Variants in TLL1 observed in about 807,000 individuals in gnomAD.
TLL1 encodes the protein tolloid-like protein 1.
TLL1 carries 49 observed loss-of-function variants against 128.2 expected under a neutral mutation model. The ratio of observed to expected loss-of-function variants is 0.38; its 90% CI spans 0.30 to 0.48. The LOEUF is 0.48. Among genes scored for constraint, TLL1 ranks in the 20% least tolerant of loss-of-function variants. The probability of loss-of-function intolerance (pLI) is 0.96; values close to 1 mark genes in which losing one functional copy is unlikely to be tolerated. For missense variants in TLL1, 1,123 were observed against 1,242.0 expected (o/e 0.90, Z 1.44); for synonymous variants, 454 against 418.8 (o/e 1.08, Z -1.03).
intron 5 of TLL1, among the ~76,000 whole-genome samples, chr4:165,997,264 A>C (rs1312908384): frequency 6.6e-6 from 1 of 152,184 alleles, no homozygotes; most frequent in African/African-American, 2.4e-5. Context: ...AGAATAAGAT[A>C]CTTGTCAAGT....
At chr4:165,996,599 AAAAT>A (rs140993281) in intron 5 of TLL1, among the ~76,000 whole-genome samples, 81,055 of 139,892 alleles carry the variant, frequency 0.58, 23,284 homozygotes, top group Admixed American at 0.68. Context: ...ACTCCATCTC[AAAAT>A]AAATAAATAA....
chr4:166,043,822 T>A (rs1274648029), intron 12 of TLL1, among the ~76,000 whole-genome samples: 2 of 152,092 alleles, frequency 1.3e-5, no homozygotes, highest in East Asian at 1.9e-4. Context: ...ACCTTTTTTT[T>A]TTTTACCATA....
intron 1 of TLL1, among the ~76,000 whole-genome samples, chr4:165,931,489 C>A (rs538255090): frequency 1.3e-5 from 2 of 151,826 alleles, no homozygotes; most frequent in South Asian, 2.1e-4. Context: ...GAGGCCAAGG[C>A]GGGCGGATCA....
intron 12 of TLL1, among the ~76,000 whole-genome samples, chr4:166,049,230 G>A (rs1459597872): frequency 6.6e-6 from 1 of 152,156 alleles, no homozygotes; most frequent in Non-Finnish European, 1.5e-5. Context: ...GCCCAAGGTT[G>A]CACAACTGGT....
chr4:166,100,086 A>C (rs1742222323), intron 20 of TLL1, among the ~76,000 whole-genome samples: 1 of 152,136 alleles, frequency 6.6e-6, no homozygotes, highest in Non-Finnish European at 1.5e-5. Flanking sequence ...AGAAATAAGG[A>C]AAAGAAAAAC....
chr4:165,886,332 C>G (rs1731162317), intron 1 of TLL1, among the ~76,000 whole-genome samples: 1 of 152,088 alleles, frequency 6.6e-6, no homozygotes. Context: ...GTAATGATTA[C>G]ATGTGTAAGG....
At chr4:165,899,527 C>T (rs558984027) in intron 1 of TLL1, among the ~76,000 whole-genome samples, 12 of 152,196 alleles carry the variant, frequency 7.9e-5, no homozygotes, top group Middle Eastern at 3.4e-3. Flanking sequence ...TGTATTTGTG[C>T]GGTTTTGAGT....
At chr4:165,907,982 CTT>C (rs1175822615) in intron 1 of TLL1, among the ~76,000 whole-genome samples, 2 of 152,202 alleles carry the variant, frequency 1.3e-5, no homozygotes, top group Admixed American at 6.5e-5. Context: ...AAGAGATACT[CTT>C]TACCAGTTCA....
chr4:165,911,748 T>C (rs1732542122), intron 1 of TLL1, among the ~76,000 whole-genome samples: 1 of 152,196 alleles, frequency 6.6e-6, no homozygotes, highest in Non-Finnish European at 1.5e-5. Context: ...TGTATTTCAT[T>C]CATAAAATGC....
At chr4:166,063,156 C>G (rs954756379) in intron 15 of TLL1, among the ~76,000 whole-genome samples, 4 of 152,026 alleles carry the variant, frequency 2.6e-5, no homozygotes, top group African/African-American at 9.7e-5. Flanking sequence ...AAAAATCAAA[C>G]AACCCCATCA....
At chr4:165,883,059 A>T (rs372956516) in intron 1 of TLL1, among the ~76,000 whole-genome samples, 2 of 152,160 alleles carry the variant, frequency 1.3e-5, no homozygotes, top group African/African-American at 4.8e-5. Context: ...TTGTTCCAGG[A>T]TGAAAATAGT....
intron 1 of TLL1, among the ~76,000 whole-genome samples, chr4:165,903,126 G>T (rs1732078242): frequency 6.6e-6 from 1 of 152,096 alleles, no homozygotes; most frequent in African/African-American, 2.4e-5. Flanking sequence ...ATCACCTGAG[G>T]TCAGGAGTTT....
intron 1 of TLL1, among the ~76,000 whole-genome samples, chr4:165,930,326 G>T (rs1733458595): frequency 6.6e-6 from 1 of 152,038 alleles, no homozygotes; most frequent in Non-Finnish European, 1.5e-5. Flanking sequence ...AACAATTAAT[G>T]GATGATCAAT....
intron 1 of TLL1, among the ~76,000 whole-genome samples, chr4:165,878,182 G>A (rs1423044354): frequency 6.6e-6 from 1 of 152,028 alleles, no homozygotes; most frequent in East Asian, 1.9e-4. Flanking sequence ...TAGCTGAACT[G>A]GCCATTTTCG....
At chr4:166,066,249 G>A (rs1168399172) in intron 16 of TLL1, among the ~76,000 whole-genome samples, 2 of 151,266 alleles carry the variant, frequency 1.3e-5, no homozygotes, top group Non-Finnish European at 3.0e-5. Flanking sequence ...AGAAATGGTT[G>A]CAGTAAGAAA....
At chr4:166,006,166 T>C (rs1012915354) in intron 6 of TLL1, among the ~76,000 whole-genome samples, 5 of 151,866 alleles carry the variant, frequency 3.3e-5, no homozygotes, top group Admixed American at 1.3e-4. Context: ...GTGATTATGA[T>C]AGGAACCAAA....
intron 1 of TLL1, among the ~76,000 whole-genome samples, chr4:165,935,006 G>T (rs1733699877): frequency 6.6e-6 from 1 of 152,086 alleles, no homozygotes; most frequent in Non-Finnish European, 1.5e-5. Context: ...GATTATAAAG[G>T]GAATTTCTGT....
intron 1 of TLL1, among the ~76,000 whole-genome samples, chr4:165,916,427 T>A (rs754170767): frequency 6.6e-6 from 1 of 152,200 alleles, no homozygotes; most frequent in Non-Finnish European, 1.5e-5. Flanking sequence ...GTTACTGAAC[T>A]CAATTATGGC....
At chr4:165,901,871 C>T (rs577804355) in intron 1 of TLL1, among the ~76,000 whole-genome samples, 4 of 152,172 alleles carry the variant, frequency 2.6e-5, no homozygotes, top group Non-Finnish European at 4.4e-5. Context: ...GGTGCTCTGT[C>T]CCAGGGAGAT....
Sources: allele counts gnomAD v4.1 joint callset (sites outside exome capture counted in the v4.1 genomes callset), GRCh38; gene constraint gnomAD v4.1.1; transcripts MANE v1.5; gene names NCBI Gene and HGNC (gene_info 2026-07-23, HGNC 2026-07-21).